Variants in NMNAT3 observed in about 807,000 individuals in gnomAD.
NMNAT3 encodes nicotinamide nucleotide adenylyltransferase 3.
Under a neutral mutation model 24.8 loss-of-function variants are expected in NMNAT3, and 21 were observed. That is an observed-to-expected ratio of 0.85 (90% confidence interval 0.60 to 1.22). NMNAT3 has a LOEUF of 1.22. Ranked by LOEUF, NMNAT3 falls within the 50% of genes most tolerant of loss-of-function variation. The pLI is 0.00. For synonymous variants in NMNAT3, 136 were observed against 155.2 expected (o/e 0.88, Z 0.92); for missense variants, 387 against 436.6 (o/e 0.89, Z 1.01).
chr3:139,676,530 T>C (rs1351751511), intron 1 of NMNAT3, among the ~76,000 whole-genome samples: 1 of 152,160 alleles, frequency 6.6e-6, no homozygotes, highest in Non-Finnish European at 1.5e-5. Context: ...GGTGGCTTTC[T>C]GAGAAAAACA....
intron 3 of NMNAT3, among the ~76,000 whole-genome samples, chr3:139,625,012 A>G (rs2055988964): frequency 6.6e-6 from 1 of 152,120 alleles, no homozygotes; most frequent in African/African-American, 2.4e-5. Context: ...CTTCTTATGT[A>G]TTTTGAAGTT....
chr3:139,579,781 T>TA (rs1309693460), intron 4 of NMNAT3, among the ~76,000 whole-genome samples: 2 of 152,234 alleles, frequency 1.3e-5, no homozygotes, highest in Non-Finnish European at 2.9e-5. Flanking sequence ...ACAAATATGT[T>TA]ATTTTGAGAC....
chr3:139,596,953 T>TATATAC (rs2054505990), intron 3 of NMNAT3, among the ~76,000 whole-genome samples: 1 of 106,710 alleles, frequency 9.4e-6, no homozygotes, highest in Non-Finnish European at 1.9e-5. Context: ...TATATATATA[T>TATATAC]ATATATATAT....
At chr3:139,600,551 ACCCAC>A (rs1212976665) in intron 3 of NMNAT3, among the ~76,000 whole-genome samples, 2 of 151,908 alleles carry the variant, frequency 1.3e-5, no homozygotes, top group African/African-American at 2.4e-5. Flanking sequence ...CAGGTGATCC[ACCCAC>A]CTTGGCTTCC....
In NMNAT3 at chr3:139,564,382, A is replaced by G. The variant is rs1035445715; in HGVS notation, c.659-2990T>C. On this transcript the variant is annotated intron_variant, in intron 6 of 6. Transcript: ENST00000643695. Reference sequence around the variant, plus strand: ...CATACAAGGCCACCTTGGAACATTCAGTATAAAACGGAAACAGATAAAGGG... The same window carrying G: ...CATACAAGGCCACCTTGGAACATTCGGTATAAAACGGAAACAGATAAAGGG... Among the ~76,000 whole-genome samples the G allele has an allele frequency of 3.9e-5, 6 of 152,208 alleles. No homozygotes were observed. The South Asian group carries it at 1.2e-3, about 32-fold the overall frequency.
intron 1 of NMNAT3, among the ~76,000 whole-genome samples, chr3:139,648,990 TAAG>T (rs1353153998): frequency 2.0e-5 from 3 of 152,228 alleles, no homozygotes; most frequent in African/African-American, 7.2e-5. Context: ...ACACATCAAA[TAAG>T]AAGTCATTAC....
At chr3:139,673,076 C>G (rs1439738151) in intron 1 of NMNAT3, among the ~76,000 whole-genome samples, 1 of 152,136 alleles carries the variant, frequency 6.6e-6, no homozygotes, top group East Asian at 1.9e-4. Context: ...AGACCACTAG[C>G]CACAACATGA....
chr3:139,639,576 T>C (rs1455774081), intron 1 of NMNAT3, among the ~76,000 whole-genome samples: 8 of 152,192 alleles, frequency 5.3e-5, no homozygotes, highest in Admixed American at 5.2e-4. Context: ...TCTTCTCCCA[T>C]AACACAATCC....
chr3:139,596,916 G>GTGTGTATATATATATATA (rs1393197797), intron 3 of NMNAT3, among the ~76,000 whole-genome samples: 3 of 97,182 alleles, frequency 3.1e-5, no homozygotes, highest in Admixed American at 1.0e-4. Flanking sequence ...TGTCATGTGT[G>GTGTGTATATATATATATA]TATATATATA....
intron 3 of NMNAT3, among the ~76,000 whole-genome samples, chr3:139,607,180 ATATC>A (rs2054984576): frequency 6.6e-6 from 1 of 151,816 alleles, no homozygotes; most frequent in Admixed American, 6.6e-5. Context: ...GCAACTATCT[ATATC>A]TATCCTCAAA....
At chr3:139,598,767 A>G (rs746598166) in intron 3 of NMNAT3, among the ~76,000 whole-genome samples, 33 of 152,208 alleles carry the variant, frequency 2.2e-4, no homozygotes, top group Non-Finnish European at 4.4e-4. Context: ...TGGAGATTCA[A>G]AAAGTTTATG....
chr3:139,567,895 G>A (rs1937508111), intron 6 of NMNAT3: 3 of 152,300 alleles, frequency 2.0e-5, no homozygotes, highest in East Asian at 1.9e-4. Context: ...TCTATTGATT[G>A]CAATAGTTTC....
At chr3:139,568,725 G>A (rs539174582) in intron 6 of NMNAT3, 47 of 152,330 alleles carry the variant, frequency 3.1e-4, no homozygotes, top group African/African-American at 1.1e-3. Flanking sequence ...TATAATTTCT[G>A]TTCTTTTACA....
At chr3:139,607,879 A>G (rs2055015703) in intron 3 of NMNAT3, among the ~76,000 whole-genome samples, 1 of 152,172 alleles carries the variant, frequency 6.6e-6, no homozygotes, top group South Asian at 2.1e-4. Context: ...TATTTTCCCT[A>G]TAATTATCAG....
intron 3 of NMNAT3, among the ~76,000 whole-genome samples, chr3:139,592,107 T>C (rs1224287782): frequency 6.6e-6 from 1 of 151,952 alleles, no homozygotes; most frequent in African/African-American, 2.4e-5. Flanking sequence ...GACTAACCAA[T>C]ACAGAGAAGT....
At chr3:139,583,446 C>A (rs1017876418) in intron 3 of NMNAT3, 3 of 1,600,658 alleles carry the variant, frequency 1.9e-6, no homozygotes, top group Non-Finnish European at 2.6e-6. Flanking sequence ...CTTTGCTGAG[C>A]TTTTTGAAGA....
At chr3:139,591,910 G>T (rs573179157) in intron 3 of NMNAT3, among the ~76,000 whole-genome samples, 1 of 150,772 alleles carries the variant, frequency 6.6e-6, no homozygotes, top group Non-Finnish European at 1.5e-5. Flanking sequence ...AAATCAGAGC[G>T]CCTCTCCTCC....
intron 6 of NMNAT3, chr3:139,568,029 G>A (rs1441251470): frequency 6.6e-6 from 1 of 152,092 alleles, no homozygotes; most frequent in African/African-American, 2.4e-5. Flanking sequence ...GCCTATTATT[G>A]GTCTATTCAG....
At chr3:139,619,010 T>C (rs2055638704) in intron 3 of NMNAT3, among the ~76,000 whole-genome samples, 1 of 152,208 alleles carries the variant, frequency 6.6e-6, no homozygotes, top group Non-Finnish European at 1.5e-5. Flanking sequence ...TGCTGCTTTC[T>C]GTGCATATAT....
Sources: allele counts gnomAD v4.1 joint callset (sites outside exome capture counted in the v4.1 genomes callset), GRCh38; gene constraint gnomAD v4.1.1; transcripts MANE v1.5; gene names NCBI Gene and HGNC (gene_info 2026-07-23, HGNC 2026-07-21).